Variants in CTNNA3 observed in about 807,000 individuals in gnomAD.
CTNNA3 encodes the protein catenin alpha 3.
Under a neutral mutation model 95.7 loss-of-function variants are expected in CTNNA3, and 76 were observed. The observed-to-expected ratio is 0.79, with a 90% CI of 0.66 to 0.96. CTNNA3 has a LOEUF of 0.96. CTNNA3 is among the 40% of genes least tolerant of loss of function. CTNNA3 has a pLI of 0.00. For missense variants in CTNNA3, 1,191 were observed against 1,089.8 expected, an observed-to-expected ratio of 1.09 and a Z score of -1.31; for synonymous variants, 431 against 374.4, an observed-to-expected ratio of 1.15 and a Z score of -1.74.
At chr10:66,768,195 C>T (rs900031583) in intron 8 of CTNNA3, among the ~76,000 whole-genome samples, 4 of 152,096 alleles carry the variant, frequency 2.6e-5, no homozygotes, top group Non-Finnish European at 5.9e-5. Context: ...CCCCTTTATT[C>T]TTTTCTTCTT....
Position 66,926,832 on chromosome 10 carries a change from A to T in CTNNA3, c.1048-151308T>A, listed in dbSNP as rs1194163748. 69 of 1,217,644 alleles carry T rather than the reference A, an allele frequency of 5.7e-5. 1 individual carries two copies. The South Asian group carries it at 1.0e-3, about 18-fold the overall frequency. The allele number at this position is 1,217,644 out of a possible 1,614,324, so 75.4% of individuals were successfully genotyped here. On this transcript the variant is annotated intron_variant, in intron 7 of 17. Transcript: ENST00000433211. Reference sequence around the variant, plus strand: ...AAGTGTTATTTAGATTTAAATTTTTAAAAATGAAAAATATATGCCTATTTT... The same window carrying T: ...AAGTGTTATTTAGATTTAAATTTTTTAAAATGAAAAATATATGCCTATTTT...
At chr10:66,919,453 T>C (rs1349807370) in intron 7 of CTNNA3, among the ~76,000 whole-genome samples, 1 of 152,152 alleles carries the variant, frequency 6.6e-6, no homozygotes, top group Non-Finnish European at 1.5e-5. Context: ...AGGACTACCT[T>C]TGCAGGAAGT....
chr10:67,267,918 A>G (rs763194639), intron 5 of CTNNA3, among the ~76,000 whole-genome samples: 31 of 152,214 alleles, frequency 2.0e-4, no homozygotes, highest in Non-Finnish European at 4.1e-4. Context: ...TGAGTTAAAT[A>G]TCAGAAGAAA....
At chr10:65,962,293 C>A (rs1158819284) in intron 17 of CTNNA3, among the ~76,000 whole-genome samples, 10 of 152,116 alleles carry the variant, frequency 6.6e-5, no homozygotes, top group Admixed American at 5.9e-4. Flanking sequence ...ACAAGCAAAA[C>A]CTGAATGAGT....
At chr10:66,672,148 C>T (rs1053496550) in intron 9 of CTNNA3, among the ~76,000 whole-genome samples, 2 of 152,084 alleles carry the variant, frequency 1.3e-5, no homozygotes, top group African/African-American at 4.8e-5. Flanking sequence ...CAGCAATTAG[C>T]TCTGTACTCC....
intron 9 of CTNNA3, among the ~76,000 whole-genome samples, chr10:66,741,702 C>T (rs534778494): frequency 6.6e-6 from 1 of 152,300 alleles, no homozygotes; most frequent in African/African-American, 2.4e-5. Flanking sequence ...GGCAGAAGAA[C>T]ATAAATTGTG....
chr10:66,862,175 C>T (rs1206830530), intron 7 of CTNNA3, among the ~76,000 whole-genome samples: 9 of 152,134 alleles, frequency 5.9e-5, no homozygotes, highest in Non-Finnish European at 1.2e-4. Context: ...GATCACGCCA[C>T]TGCACTCCAA....
At chr10:67,322,770 C>G (rs1841380206) in intron 5 of CTNNA3, among the ~76,000 whole-genome samples, 1 of 152,128 alleles carries the variant, frequency 6.6e-6, no homozygotes, top group East Asian at 1.9e-4. Flanking sequence ...AATGATATTT[C>G]TGTCTTTAGG....
chr10:66,493,286 T>C (rs900285708), intron 11 of CTNNA3, among the ~76,000 whole-genome samples: 1 of 152,170 alleles, frequency 6.6e-6, no homozygotes, highest in African/African-American at 2.4e-5. Context: ...CTTTATAATG[T>C]CAGTTGCATT....
At chr10:66,657,155 C>T (rs781584249) in intron 9 of CTNNA3, among the ~76,000 whole-genome samples, 35 of 152,084 alleles carry the variant, frequency 2.3e-4, no homozygotes, top group Admixed American at 6.5e-4. Flanking sequence ...CTACTTGGAC[C>T]TGATGCTAAA....
intron 17 of CTNNA3, among the ~76,000 whole-genome samples, chr10:65,930,373 GAGA>G (rs759818761): frequency 1.3e-5 from 2 of 152,120 alleles, no homozygotes; most frequent in African/African-American, 2.4e-5. Context: ...GAAGGAAATG[GAGA>G]AGATGAACCC....
intron 14 of CTNNA3, among the ~76,000 whole-genome samples, chr10:66,088,863 T>C (rs75834402): frequency 0.026 from 3,882 of 152,202 alleles, 157 homozygotes; most frequent in African/African-American, 0.088. Context: ...ATGTATTCTT[T>C]ATGAATACCT....
At chr10:67,028,373 C>T (rs1284190576) in intron 7 of CTNNA3, among the ~76,000 whole-genome samples, 1 of 151,966 alleles carries the variant, frequency 6.6e-6, no homozygotes, top group Non-Finnish European at 1.5e-5. Context: ...TACCTATCAT[C>T]CACAGCTTGC....
intron 7 of CTNNA3, among the ~76,000 whole-genome samples, chr10:67,042,163 A>C (rs1004290965): frequency 1.8e-4 from 27 of 152,162 alleles, no homozygotes; most frequent in African/African-American, 5.8e-4. Context: ...TGTTTTATGT[A>C]TACATTAAAA....
At chr10:67,078,866 CA>C (rs1234882689) in intron 7 of CTNNA3, among the ~76,000 whole-genome samples, 1 of 152,140 alleles carries the variant, frequency 6.6e-6, no homozygotes, top group Non-Finnish European at 1.5e-5. Flanking sequence ...GCAAGGTTAG[CA>C]GGACACTTGT....
Position 67,073,975 on chromosome 10 carries a change from G to A in CTNNA3, c.1047+106342C>T, listed in dbSNP as rs903252804. Among the ~76,000 whole-genome samples the A allele has an allele frequency of 4.0e-5, 6 of 150,880 alleles. 1 individual carries two copies. Among genetic ancestry groups the A allele is most frequent in the African/African-American group, 7.3e-5 (3 of 41,024 alleles). ...AGGTTTGGATACAGATATTTATTTCGCACAGCTACACTCAGATCTACTGAA... is the reference window on the plus strand; with the variant it reads ...AGGTTTGGATACAGATATTTATTTCACACAGCTACACTCAGATCTACTGAA... On this transcript the variant is annotated intron_variant, in intron 7 of 17. Transcript: ENST00000433211.
intron 11 of CTNNA3, among the ~76,000 whole-genome samples, chr10:66,507,772 T>A (rs1323050589): frequency 6.6e-6 from 1 of 152,154 alleles, no homozygotes; most frequent in Non-Finnish European, 1.5e-5. Flanking sequence ...TTAGGTTCAT[T>A]CCATACCCTG....
chr10:66,044,167 T>A (rs2079769326), intron 15 of CTNNA3, among the ~76,000 whole-genome samples: 2 of 152,140 alleles, frequency 1.3e-5, no homozygotes. Context: ...GCTAATTGCA[T>A]CTTTAGTACA....
At chr10:67,142,894 T>G (rs1056317655) in intron 7 of CTNNA3, among the ~76,000 whole-genome samples, 1 of 152,100 alleles carries the variant, frequency 6.6e-6, no homozygotes. Flanking sequence ...ATCGTGCCAC[T>G]GCACTCCAGC....
Sources: allele counts gnomAD v4.1 joint callset (sites outside exome capture counted in the v4.1 genomes callset), GRCh38; gene constraint gnomAD v4.1.1; transcripts MANE v1.5; gene names NCBI Gene and HGNC (gene_info 2026-07-23, HGNC 2026-07-21).